Variants in LAMP1 observed in about 807,000 individuals in gnomAD.
LAMP1 encodes lysosome associated membrane protein 1, also known as lysosome-associated membrane glycoprotein 1.
A neutral mutation model predicts 37.5 loss-of-function variants in LAMP1; 7 were observed. That is an observed-to-expected ratio of 0.19 (90% CI 0.11 to 0.35). LAMP1 has a LOEUF of 0.35. LAMP1 is among the 10% of genes least tolerant of loss of function. The pLI, the probability that LAMP1 is intolerant of heterozygous loss-of-function variation, is 1.00. For synonymous variants in LAMP1, 236 were observed against 229.1 expected, an observed-to-expected ratio of 1.03 and a Z score of -0.27; for missense variants, 537 against 552.8, an observed-to-expected ratio of 0.97 and a Z score of 0.29.
intron 1 of LAMP1, among the ~76,000 whole-genome samples, chr13:113,302,723 C>G (rs2042580726): frequency 1.3e-5 from 2 of 152,176 alleles, no homozygotes; most frequent in South Asian, 4.1e-4. Flanking sequence ...AGCCACTGCA[C>G]CCAGCCAGTG....
At chr13:113,298,538 G>A (rs1433525389) in intron 1 of LAMP1, among the ~76,000 whole-genome samples, 4 of 152,076 alleles carry the variant, frequency 2.6e-5, no homozygotes, top group Non-Finnish European at 4.4e-5. Context: ...GTACACATCT[G>A]CCTTGACTTC....
At chr13:113,312,153 C>G (rs765638257) in intron 4 of LAMP1, among the ~76,000 whole-genome samples, 2 of 152,208 alleles carry the variant, frequency 1.3e-5, no homozygotes, top group East Asian at 3.9e-4. Flanking sequence ...CACTCCTCCC[C>G]GAGGAGCAGG....
At chr13:113,315,429 GC>G (rs2042657821) in intron 4 of LAMP1, among the ~76,000 whole-genome samples, 1 of 111,416 alleles carries the variant, frequency 9.0e-6, no homozygotes, top group South Asian at 3.2e-4. Context: ...TTGCTCTGTT[GC>G]CCAGGCTGGA....
chr13:113,322,587 G>T lies in LAMP1; in HGVS notation c.*166G>T. On this transcript the variant is annotated 3_prime_UTR_variant, in exon 9 of 9. Transcript: ENST00000332556. ...TACTATGCACAACAGAGTAACTATC[G>T]AAATGACGGTGTTAATTTTGCTAAC... The T allele has an allele frequency of 1.9e-6, 1 of 525,586 alleles. No individual in the cohort carries two copies. The highest frequency in any genetic ancestry group is 3.1e-6 in the Non-Finnish European group (1 of 319,252). The allele number at this position is 525,586 out of a possible 1,614,324, so 32.6% of individuals were successfully genotyped here.
intron 4 of LAMP1, among the ~76,000 whole-genome samples, chr13:113,313,899 C>A (rs374572212): frequency 4.6e-5 from 2 of 43,464 alleles, no homozygotes; most frequent in East Asian, 1.6e-3. Flanking sequence ...AGGGAACCAG[C>A]GTGGAGATGC....
In LAMP1 at chr13:113,321,666, A is replaced by G. The variant is rs1470508317; in HGVS notation, c.1053A>G (p.Ser351=). The G allele has an allele frequency of 6.2e-7, 1 of 1,614,202 alleles. No homozygotes were observed. Residue 351 remains serine, a synonymous_variant, in exon 8 of 9, where the codon TCA becomes TCG. Coordinates refer to ENST00000332556, the MANE Select transcript of LAMP1 (RefSeq NM_005561.4). This position sits in a 1 kb window ranked among gnomAD's most constrained non-coding sequence, Gnocchi z 5.6. The part of the protein sequence containing the change: ...EEHVRVTKAF[S]VNIFKVWVQA... ...ACGTCCGTGTCACGAAGGCGTTTTC[A>G]GTCAATATATTCAAAGTGTGGGTCC...
In LAMP1 at chr13:113,301,858, C is replaced by CTTTTTTTTTT. The variant is rs539321614; in HGVS notation, c.61+4376_61+4385dup. Among the ~76,000 whole-genome samples, 208 of 74,308 alleles carry CTTTTTTTTTT rather than the reference C, an allele frequency of 2.8e-3. 17 individuals carry two copies. The highest frequency in any genetic ancestry group is 0.01 in the African/African-American group (200 of 19,554). The allele number at this position is 74,308 out of a possible 152,430, so 48.7% of individuals were successfully genotyped here. On this transcript the variant is annotated intron_variant, in intron 1 of 8. Transcript: ENST00000332556. ...GCCAAGAAAAACTAAGATGTGATTT[C>CTTTTTTTTTT]TTTTTTTTTTTTTTTTTTTTTTGAG... is the stretch of plus-strand genomic sequence containing the variant.
At chr13:113,322,109 A>T (rs2042704439) in intron 8 of LAMP1, 173 bp from the exon 9 acceptor site, 5 of 706,240 alleles carry the variant, frequency 7.1e-6, no homozygotes, top group Non-Finnish European at 1.2e-5. Context: ...CGCCGTGCAG[A>T]GAGCACCAGT....
At chr13:113,315,738 A>G (rs1000001261) in intron 4 of LAMP1, among the ~76,000 whole-genome samples, 2 of 152,156 alleles carry the variant, frequency 1.3e-5, no homozygotes, top group African/African-American at 2.4e-5. Flanking sequence ...TTAAAAGGAA[A>G]TGAAGCACAA....
intron 4 of LAMP1, among the ~76,000 whole-genome samples, chr13:113,313,671 C>G (rs1418671357): frequency 1.6e-5 from 2 of 122,496 alleles, no homozygotes; most frequent in African/African-American, 3.3e-5. Context: ...TGGAGATGCC[C>G]GTGTGCCTGG....
At chr13:113,309,239 G>A (rs1298922211) in intron 2 of LAMP1, among the ~76,000 whole-genome samples, 2 of 151,882 alleles carry the variant, frequency 1.3e-5, no homozygotes, top group African/African-American at 2.4e-5. Flanking sequence ...TAGCTGGGAC[G>A]ACAGGCAGAC....
Position 113,322,263 on chromosome 13 carries a change from C to G in LAMP1, c.1115-19C>G, listed in dbSNP as rs1231103130. On this transcript the variant is annotated intron_variant, in intron 8 of 8. Coordinates refer to ENST00000332556, the MANE Select transcript of LAMP1 (RefSeq NM_005561.4). The stretch of plus-strand genomic sequence containing the variant: ...CCCTGTGTGAGCAGAGCCCTGACAC[C>G]ATCCGTCTGTCTTGGCAGTGGAGGA... 6.2e-7 allele frequency: 1 copy of G among 1,602,322 alleles called. No homozygotes were observed.
chr13:113,317,260 A>C (rs2042670721), intron 4 of LAMP1, among the ~76,000 whole-genome samples: 1 of 152,186 alleles, frequency 6.6e-6, no homozygotes, highest in South Asian at 2.1e-4. Flanking sequence ...CGGGCAGCGC[A>C]GGGCACTCTC....
At chr13:113,313,633 GGGTGT>G (rs2042643366) in intron 4 of LAMP1, among the ~76,000 whole-genome samples, 1 of 148,830 alleles carries the variant, frequency 6.7e-6, no homozygotes, top group African/African-American at 2.5e-5. Context: ...GGTGTGCCTG[GGGTGT>G]GGCCTCCTGG....
In LAMP1 at chr13:113,323,326, G is replaced by T. The variant is rs2042718051; in HGVS notation, c.*905G>T. The T allele has an allele frequency of 6.6e-6, 1 of 152,160 alleles. No individual in the cohort carries two copies. Among genetic ancestry groups the T allele is most frequent in the African/African-American group, 2.4e-5 (1 of 41,426 alleles). 9.4% of individuals were successfully genotyped at this position (152,160 alleles called of 1,614,324 possible). A position where few individuals can be genotyped will look rare whatever the true frequency, so the allele number is the denominator to read the frequency against. On this transcript the variant is annotated 3_prime_UTR_variant, in exon 9 of 9. Coordinates refer to ENST00000332556, the MANE Select transcript of LAMP1 (RefSeq NM_005561.4). ...CTGCGCTGTGTACAATGTGAGATCG[G>T]TGCGTTCTCCTGATGTTTTGCCGTG...
At chr13:113,310,274 T>C (rs2042623091) in intron 3 of LAMP1, among the ~76,000 whole-genome samples, 1 of 151,722 alleles carries the variant, frequency 6.6e-6, no homozygotes, top group African/African-American at 2.4e-5. Context: ...ACGCCTGTAA[T>C]CCCAGCACTT....
chr13:113,314,882 G>C (rs2042652174), intron 4 of LAMP1, among the ~76,000 whole-genome samples: 1 of 127,210 alleles, frequency 7.9e-6, no homozygotes, highest in South Asian at 2.8e-4. Flanking sequence ...GTGTGCCTGG[G>C]GCGTGGCCTC....
chr13:113,299,726 G>A (rs1451777818), intron 1 of LAMP1, among the ~76,000 whole-genome samples: 1 of 151,728 alleles, frequency 6.6e-6, no homozygotes, highest in South Asian at 2.1e-4. Flanking sequence ...GCGCCACCAT[G>A]CCTGGCTAAT....
At chr13:113,313,089 C>T (rs1207549359) in intron 4 of LAMP1, among the ~76,000 whole-genome samples, 6 of 152,090 alleles carry the variant, frequency 3.9e-5, no homozygotes, top group Middle Eastern at 3.2e-3. Context: ...GGCCTGGACA[C>T]GGTTGCAGAA....
Sources: gnomAD v4.1 joint callset for allele counts (sites outside exome capture counted in the v4.1 genomes callset) on GRCh38, gnomAD v4.1.1 for gene constraint, Gnocchi (gnomAD v3.1) non-coding constraint, MANE v1.5 for transcripts, NCBI Gene and HGNC (gene_info 2026-07-23, HGNC 2026-07-21) for gene names.